The following RUFY2 variants were observed in gnomAD, a reference collection of about 807,000 sequenced individuals.
RUFY2 encodes RUN and FYVE domain-containing protein 2.
RUFY2 carries 49 observed loss-of-function variants against 94.4 expected under a neutral mutation model. The observed-to-expected ratio is 0.52, with a 90% confidence interval of 0.41 to 0.66. RUFY2 has a LOEUF of 0.66. Ranked by LOEUF, RUFY2 falls within the 30% of genes least tolerant of loss-of-function variation. The pLI is 0.00. For missense variants in RUFY2, 541 were observed against 692.8 expected, an observed-to-expected ratio of 0.78 and a Z score of 2.46; for synonymous variants, 255 against 235.7, an observed-to-expected ratio of 1.08 and a Z score of -0.75.
chr10:68,376,522 T>C lies in RUFY2; in HGVS notation c.1325+331A>G, dbSNP rs538891360. ...GAAAACAGCATGTCCTTTAATAATATAAGTTTCTTGTAGTTACAAAAGCCT... is the reference window on the plus strand; with the variant it reads ...GAAAACAGCATGTCCTTTAATAATACAAGTTTCTTGTAGTTACAAAAGCCT... On this transcript the variant is annotated intron_variant, in intron 13 of 17. Transcript: ENST00000602465. 8.3e-4 allele frequency among the ~76,000 whole-genome samples: 106 copies of C among 128,264 alleles called. 1 individual carries two copies. The highest frequency in any genetic ancestry group is 1.5e-3 in the Non-Finnish European group (91 of 60,814). 84.1% of individuals were successfully genotyped at this position (128,264 alleles called of 152,430 possible). A position where few individuals can be genotyped will look rare whatever the true frequency, so the allele number is the denominator to read the frequency against.
intron 15 of RUFY2, among the ~76,000 whole-genome samples, chr10:68,357,181 A>G (rs901146288): frequency 6.6e-6 from 1 of 152,052 alleles, no homozygotes; most frequent in Non-Finnish European, 1.5e-5. Flanking sequence ...AAGAAAAAGA[A>G]AAAAGAAAAT....
Position 68,386,059 on chromosome 10 carries a change from C to G in RUFY2, c.720G>C (p.Glu240Asp). 2 of 1,595,666 alleles carry G rather than the reference C, an allele frequency of 1.3e-6. No individual in the cohort carries two copies. The highest frequency in any genetic ancestry group is 8.6e-7 in the Non-Finnish European group (1 of 1,165,816). Reference sequence around the variant, plus strand: ...AATACATTTATCCATTAGACAATACCTCTTCAATCAGCTTAGTATTTGACT... The same window carrying G: ...AATACATTTATCCATTAGACAATACGTCTTCAATCAGCTTAGTATTTGACT... ...LEKSNTKLIE[E>D]LAIAKNNIIK... is the part of the protein sequence containing the mutation. Residue 240 changes from glutamate (E) to aspartate (D), a missense_variant and splice_region_variant, in exon 8 of 18, where the codon GAG becomes GAC. Glu to Asp is a conservative substitution (Grantham distance 45). Coordinates refer to ENST00000602465, the MANE Select transcript of RUFY2 (RefSeq NM_001330103.2).
chr10:68,365,801 C>T (rs563901054), intron 13 of RUFY2, among the ~76,000 whole-genome samples: 21 of 151,968 alleles, frequency 1.4e-4, no homozygotes, highest in Non-Finnish European at 2.6e-4. Context: ...TTCCAAGAAC[C>T]GTTGATGCCA....
chr10:68,377,517 T>TGC, intron 12 of RUFY2: 1 of 986,650 alleles, frequency 1.0e-6, no homozygotes, highest in African/African-American at 1.7e-5. Context: ...AAGCTCTGTG[T>TGC]GTGTGTGTGT....
rs151326570 is a variant in RUFY2 at position 68,398,090 on chromosome 10, G to A, written c.297-1209C>T. On this transcript the variant is annotated intron_variant, in intron 3 of 17. Transcript: ENST00000602465. ...TACAGTCAGGCAAGATTGCACCATC[G>A]CACTCCAGCCTGGGCAACAAGGTAA... Among the ~76,000 whole-genome samples the A allele has an allele frequency of 2.1e-4, 28 of 132,520 alleles. No individual in the cohort carries two copies. In the East Asian group the frequency reaches 5.4e-3, roughly 26 times the overall value. 86.9% of individuals were successfully genotyped at this position (132,520 alleles called of 152,430 possible). A position where few individuals can be genotyped will look rare whatever the true frequency, so the allele number is the denominator to read the frequency against.
intron 15 of RUFY2, among the ~76,000 whole-genome samples, chr10:68,356,721 G>C (rs2047078333): frequency 6.6e-6 from 1 of 151,140 alleles, no homozygotes; most frequent in Non-Finnish European, 1.5e-5. Context: ...GCTAATTTTT[G>C]TATTTTTAGT....
intron 13 of RUFY2, among the ~76,000 whole-genome samples, chr10:68,376,196 CG>C (rs2048623325): frequency 6.6e-6 from 1 of 150,776 alleles, no homozygotes; most frequent in Non-Finnish European, 1.5e-5. Flanking sequence ...GAGGCCAAGA[CG>C]GGTGGATCAC....
At position 68,345,717 on chromosome 10, in the gene RUFY2, CAT is replaced by C; in HGVS notation, c.*49_*50del. The C allele has an allele frequency of 6.5e-7, 1 of 1,548,972 alleles. No individual in the cohort carries two copies. The highest frequency in any genetic ancestry group is 1.2e-5 in the South Asian group (1 of 86,166). On this transcript the variant is annotated 3_prime_UTR_variant, in exon 18 of 18. Transcript: ENST00000602465. ...GTCTGGTTACCTTTGTATACAACAT[CAT>C]AACATTCATTGTAGGTAATTTCATA...
chr10:68,381,804 C>T (rs2049078605), intron 10 of RUFY2, among the ~76,000 whole-genome samples: 2 of 152,232 alleles, frequency 1.3e-5, no homozygotes, highest in South Asian at 2.1e-4. Flanking sequence ...GCTGAAATCA[C>T]ACCACTGCAC....
chr10:68,389,557 T>G (rs1157459815), intron 7 of RUFY2, among the ~76,000 whole-genome samples: 1 of 151,122 alleles, frequency 6.6e-6, no homozygotes, highest in Non-Finnish European at 1.5e-5. Context: ...ACCACTGCAC[T>G]CCAGCCTGGG....
At chr10:68,367,458 G>C (rs1375949403) in intron 13 of RUFY2, among the ~76,000 whole-genome samples, 2 of 151,702 alleles carry the variant, frequency 1.3e-5, no homozygotes, top group Non-Finnish European at 2.9e-5. Context: ...TTTTTATTTT[G>C]TTCTGTTTTT....
intron 13 of RUFY2, among the ~76,000 whole-genome samples, chr10:68,368,037 C>A (rs1057423427): frequency 9.3e-5 from 14 of 150,934 alleles, no homozygotes; most frequent in Non-Finnish European, 1.6e-4. Flanking sequence ...GTGACCTCAG[C>A]GCACTGCAAC....
intron 13 of RUFY2, among the ~76,000 whole-genome samples, chr10:68,374,823 C>T (rs1482494364): frequency 6.6e-6 from 1 of 151,914 alleles, no homozygotes; most frequent in East Asian, 1.9e-4. Context: ...TGCATATTAA[C>T]TGGGGGAAAA....
In RUFY2 at chr10:68,345,662, A is replaced by C. The variant is rs1442631304; in HGVS notation, c.*106T>G. 2.4e-5 allele frequency: 23 copies of C among 942,386 alleles called. No homozygotes were observed. Among genetic ancestry groups the C allele is most frequent in the Non-Finnish European group, 3.7e-5 (23 of 617,666 alleles). The allele number at this position is 942,386 out of a possible 1,614,324, so 58.4% of individuals were successfully genotyped here. The stretch of plus-strand genomic sequence containing the variant: ...TATGTAGAAGATAAACTGGTACCAA[A>C]TACTGACCGAAAGCCGCTTAAGGAG... On this transcript the variant is annotated 3_prime_UTR_variant, in exon 18 of 18. Transcript: ENST00000602465.
downstream of RUFY2, chr10:68,341,961 A>C (rs1283110267): frequency 5.0e-6 from 8 of 1,612,602 alleles, no homozygotes; most frequent in African/African-American, 1.3e-5. Flanking sequence ...AGTGATTCTT[A>C]ATATCTTTTT....
Position 68,393,163 on chromosome 10 carries a change from C to T in RUFY2, c.625G>A (p.Val209Ile), listed in dbSNP as rs778614654. The change falls in exon 7 of 18, where the codon GTT becomes ATT. Residue 209 changes from valine to isoleucine, a missense_variant. By Grantham distance (29) the Val-to-Ile change is conservative (BLOSUM62 3). Coordinates refer to ENST00000602465, the MANE Select transcript of RUFY2 (RefSeq NM_001330103.2). The stretch of plus-strand genomic sequence containing the variant: ...TTCAGTTGTCTATTTAATTCTTCAA[C>T]ATAATTCTTTTGGTCTAATATGGCA... Reference protein sequence around the residue: ...IAAILDQKNYVEELNRQLNST... With the variant: ...IAAILDQKNYIEELNRQLNST... The T allele has an allele frequency of 3.2e-6, 5 of 1,547,432 alleles. No individual in the cohort carries two copies. Among genetic ancestry groups the T allele is most frequent in the Non-Finnish European group, 8.9e-7 (1 of 1,127,668 alleles).
intron 4 of RUFY2, among the ~76,000 whole-genome samples, chr10:68,395,100 G>T (rs2050292100): frequency 6.6e-6 from 1 of 151,956 alleles, no homozygotes; most frequent in Non-Finnish European, 1.5e-5. Flanking sequence ...CACTTTGGGA[G>T]GCCAAGGCGG....
At chr10:68,372,167 G>A (rs2048323529) in intron 13 of RUFY2, among the ~76,000 whole-genome samples, 1 of 152,096 alleles carries the variant, frequency 6.6e-6, no homozygotes, top group African/African-American at 2.4e-5. Flanking sequence ...CTAACACTTT[G>A]GAAGATCATG....
At position 68,394,379 on chromosome 10, in the gene RUFY2, C is replaced by T. The variant is rs376160437; in HGVS notation, c.471G>A (p.Leu157=). 8 of 1,613,762 alleles carry T rather than the reference C, an allele frequency of 5.0e-6. No homozygotes were observed. The African/African-American group carries it at 9.3e-5, about 19-fold the overall frequency. ...CACACAGATTAGCATCGATCACATT[C>T]AGGCCAACCAGCAGCCCAACAATTA... ...GAVIVGLLVG[L]NVIDANLCVK... The change falls in exon 5 of 18, where the codon CTG becomes CTA. Residue 157 remains leucine, a synonymous_variant. Coordinates refer to ENST00000602465, the MANE Select transcript of RUFY2 (RefSeq NM_001330103.2).
Sources: allele counts gnomAD v4.1 joint callset (sites outside exome capture counted in the v4.1 genomes callset), GRCh38; gene constraint gnomAD v4.1.1; transcripts MANE v1.5; gene names NCBI Gene and HGNC (gene_info 2026-07-23, HGNC 2026-07-21).